The following AGAP1 variants were observed in gnomAD, a reference collection of about 807,000 sequenced individuals.
AGAP1 encodes arf-GAP with GTPase, ANK repeat and PH domain-containing protein 1.
Under a neutral mutation model 105.3 loss-of-function variants are expected in AGAP1, and 29 were observed. That is an observed-to-expected ratio of 0.28 (90% CI 0.21 to 0.38). AGAP1 has a LOEUF of 0.38. AGAP1 is among the 10% of genes least tolerant of loss of function. The pLI, the probability that AGAP1 is intolerant of heterozygous loss-of-function variation, is 1.00. For missense variants in AGAP1, 998 were observed against 1,165.1 expected (o/e 0.86, Z 2.09); for synonymous variants, 509 against 485.9 (o/e 1.05, Z -0.63).
At chr2:235,761,169 A>T (rs1954405602) in intron 6 of AGAP1, among the ~76,000 whole-genome samples, 1 of 152,190 alleles carries the variant, frequency 6.6e-6, no homozygotes, top group Non-Finnish European at 1.5e-5. Context: ...ACAACCAGAG[A>T]CAATAAATAA....
In AGAP1 at chr2:235,855,753, G is replaced by A. The variant is rs544623764; in HGVS notation, c.1051-27592G>A. Among the ~76,000 whole-genome samples, 45 of 152,268 alleles carry A rather than the reference G, an allele frequency of 3.0e-4. No homozygotes were observed. Among genetic ancestry groups the A allele is most frequent in the South Asian group, 1.5e-3 (7 of 4,822 alleles). ...TTGGAGACTGGGTGTTGGTAAATGGGTGACAGTGACAAGTGGGTGATTGGG... is the reference window on the plus strand; with the variant it reads ...TTGGAGACTGGGTGTTGGTAAATGGATGACAGTGACAAGTGGGTGATTGGG... On this transcript the variant is annotated intron_variant, in intron 9 of 17. Transcript: ENST00000304032. The surrounding 1 kb of genome is among the most constrained non-coding windows in gnomAD (Gnocchi z 5.0).
At position 235,977,089 on chromosome 2, in the gene AGAP1, G is replaced by A. The variant is rs2054893049; in HGVS notation, c.1645+8466G>A. On this transcript the variant is annotated intron_variant, in intron 13 of 17. Transcript: ENST00000304032. This position sits in a 1 kb window ranked among gnomAD's most constrained non-coding sequence, Gnocchi z 5.2. ...TAGCTAGACTTAGAGATTCTCTTCT[G>A]CGAGTGGGGCTCGGTTAGCACAAGC... Among the ~76,000 whole-genome samples the A allele has an allele frequency of 6.6e-6, 1 of 152,138 alleles. No homozygotes were observed. The highest frequency in any genetic ancestry group is 2.4e-5 in the African/African-American group (1 of 41,424).
chr2:235,494,985 C>G lies in AGAP1; in HGVS notation c.163+136C>G, dbSNP rs577384486. ...CTGCTCCGCCGAGGGAGCACTGCGGCGCTGCTTGTCTTGCAAGGCCGGGCG... is the reference window on the plus strand; with the variant it reads ...CTGCTCCGCCGAGGGAGCACTGCGGGGCTGCTTGTCTTGCAAGGCCGGGCG... On this transcript the variant is annotated intron_variant, in intron 1 of 17. Transcript: ENST00000304032. 4.9e-6 allele frequency: 4 copies of G among 808,356 alleles called. No individual in the cohort carries two copies. The Admixed American group carries it at 1.8e-4, about 36-fold the overall frequency. The allele number at this position is 808,356 out of a possible 1,614,324, so 50.1% of individuals were successfully genotyped here.
Position 235,927,067 on chromosome 2 carries a change from C to G in AGAP1, c.1325-3698C>G, listed in dbSNP as rs1361800515. On this transcript the variant is annotated intron_variant, in intron 11 of 17. Coordinates refer to ENST00000304032, the MANE Select transcript of AGAP1 (RefSeq NM_001037131.3). The surrounding 1 kb of genome is among the most constrained non-coding windows in gnomAD (Gnocchi z 4.4). ...TCTGTGGATCTGATTGAAAGTTTCA[C>G]CTTTATCACGGTTTGTCCATGTATA... is the stretch of plus-strand genomic sequence containing the variant. 2.0e-5 allele frequency among the ~76,000 whole-genome samples: 3 copies of G among 152,206 alleles called. No individual in the cohort carries two copies. Among genetic ancestry groups the G allele is most frequent in the Non-Finnish European group, 4.4e-5 (3 of 68,042 alleles).
At chr2:235,544,965 A>G (rs1943574396) in intron 1 of AGAP1, among the ~76,000 whole-genome samples, 1 of 152,208 alleles carries the variant, frequency 6.6e-6, no homozygotes, top group Non-Finnish European at 1.5e-5. Flanking sequence ...GCAGTATTCT[A>G]ACGGGGTAAG....
Position 236,105,256 on chromosome 2 carries a change from C to T in AGAP1, c.2115-14936C>T, listed in dbSNP as rs1047588309. 1.3e-5 allele frequency among the ~76,000 whole-genome samples: 2 copies of T among 152,146 alleles called. No individual in the cohort carries two copies. Among genetic ancestry groups the T allele is most frequent in the African/African-American group, 4.8e-5 (2 of 41,434 alleles). On this transcript the variant is annotated intron_variant, in intron 16 of 17. Transcript: ENST00000304032. This position sits in a 1 kb window ranked among gnomAD's most constrained non-coding sequence, Gnocchi z 4.2. ...TCCAAAACATCCCACTTTAAGAACC[C>T]TGCATGCACACAGTCTTGCGTCAAC...
Position 235,883,977 on chromosome 2 carries a change from C to T in AGAP1, c.1155+528C>T, listed in dbSNP as rs1054007629. On this transcript the variant is annotated intron_variant, in intron 10 of 17. Coordinates refer to ENST00000304032, the MANE Select transcript of AGAP1 (RefSeq NM_001037131.3). The surrounding 1 kb of genome is among the most constrained non-coding windows in gnomAD (Gnocchi z 4.5). ...ATGTTACATATAAGTTTGTTATATC[C>T]GTGGTGTATAAGATAGATGTATAAA... is the stretch of plus-strand genomic sequence containing the variant. 2.0e-4 allele frequency among the ~76,000 whole-genome samples: 30 copies of T among 152,076 alleles called. No homozygotes were observed. The highest frequency in any genetic ancestry group is 4.6e-4 in the Admixed American group (7 of 15,258).
Position 235,919,371 on chromosome 2 carries a change from C to T in AGAP1, c.1324+10465C>T, listed in dbSNP as rs2052057644. ...CTTGTGGCCCATTGTTTTGAGTTAC[C>T]ACTCATATAGTGAACGTTTGCGTTT... On this transcript the variant is annotated intron_variant, in intron 11 of 17. Coordinates refer to ENST00000304032, the MANE Select transcript of AGAP1 (RefSeq NM_001037131.3). This position sits in a 1 kb window ranked among gnomAD's most constrained non-coding sequence, Gnocchi z 4.1. Among the ~76,000 whole-genome samples, 4 of 152,224 alleles carry T rather than the reference C, an allele frequency of 2.6e-5. 1 individual carries two copies. The South Asian group carries it at 8.3e-4, about 32-fold the overall frequency.
rs1559420233 is a variant in AGAP1, at chr2:235,741,130, G to T, written c.396+82G>T. The T allele has an allele frequency of 2.4e-6, 3 of 1,229,460 alleles. No homozygotes were observed. Among genetic ancestry groups the T allele is most frequent in the Non-Finnish European group, 2.2e-6 (2 of 915,446 alleles). The allele number at this position is 1,229,460 out of a possible 1,614,324, so 76.2% of individuals were successfully genotyped here. ...GATTCAAGAAGTGCTTCTAGAAATC[G>T]GTGACTTGGTTTCCAAAAAAGTGGA... On this transcript the variant is annotated intron_variant, in intron 4 of 17. Coordinates refer to ENST00000304032, the MANE Select transcript of AGAP1 (RefSeq NM_001037131.3). This position sits in a 1 kb window ranked among gnomAD's most constrained non-coding sequence, Gnocchi z 4.9.
In AGAP1 at chr2:236,111,166, G is replaced by C. The variant is rs2059628247; in HGVS notation, c.2115-9026G>C. ...ACAAACACACAGCAGTGATAAAAGA[G>C]CAGACTTTGTTGATAAATCCGTGCA... On this transcript the variant is annotated intron_variant, in intron 16 of 17. Transcript: ENST00000304032. Among the ~76,000 whole-genome samples the C allele has an allele frequency of 2.0e-5, 3 of 152,184 alleles. No homozygotes were observed. The South Asian group carries it at 6.2e-4, about 31-fold the overall frequency.
chr2:235,883,441 A>G lies in AGAP1; in HGVS notation c.1147A>G (p.Ser383Gly). ...CDNGVLTYHPSLHDYMQNVHG... is the reference protein window; with the variant it reads ...CDNGVLTYHPGLHDYMQNVHG... ...CAATGGCGTGCTGACCTATCATCCC[A>G]GTTTACATGTGAGTATAGCCCCCTC... Residue 383 changes from serine to glycine, a missense_variant, in exon 10 of 18, where the codon AGT becomes GGT. By Grantham distance (56) the Ser-to-Gly change is moderately conservative (BLOSUM62 0). Around this residue, in one of 3 missense-constraint regions of AGAP1, gnomAD observed 735 missense variants for 833.4 expected, o/e 0.88. Transcript: ENST00000304032. This position sits in a 1 kb window ranked among gnomAD's most constrained non-coding sequence, Gnocchi z 4.5. 1 of 1,613,852 alleles carries G rather than the reference A, an allele frequency of 6.2e-7. No homozygotes were observed. Among genetic ancestry groups the G allele is most frequent in the Non-Finnish European group, 8.5e-7 (1 of 1,179,808 alleles).
intron 13 of AGAP1, among the ~76,000 whole-genome samples, chr2:235,985,038 G>A (rs961645812): frequency 2.0e-5 from 3 of 152,054 alleles, no homozygotes; most frequent in Admixed American, 1.3e-4. Context: ...ACTGTCTTCC[G>A]CAATGGTTGA....
intron 9 of AGAP1, among the ~76,000 whole-genome samples, chr2:235,816,228 G>C (rs575516264): frequency 6.6e-6 from 1 of 151,320 alleles, no homozygotes; most frequent in East Asian, 2.0e-4. Flanking sequence ...GCGAGGTCAG[G>C]AGATCGAGAC....
intron 9 of AGAP1, among the ~76,000 whole-genome samples, chr2:235,817,014 A>G (rs1005062163): frequency 1.3e-5 from 2 of 152,184 alleles, no homozygotes; most frequent in Admixed American, 6.5e-5. Flanking sequence ...TCGTGTAGGA[A>G]CTTGGACTGT....
intron 2 of AGAP1, 107 bp downstream of exon 2, chr2:235,709,344 A>G: frequency 1.5e-6 from 2 of 1,298,968 alleles, no homozygotes; most frequent in South Asian, 1.2e-5. Flanking sequence ...CCAGAGTGGA[A>G]GTGTGACTCT....
chr2:235,675,381 C>T (rs772474293), intron 1 of AGAP1, among the ~76,000 whole-genome samples: 3 of 151,850 alleles, frequency 2.0e-5, no homozygotes, highest in Admixed American at 1.3e-4. Flanking sequence ...TTAGTAGAGA[C>T]GGGGTTTCAC....
chr2:235,750,605 G>T lies in AGAP1; in HGVS notation c.673+117G>T. ...TGGTGGAAATATGTCGTTGATGGGT[G>T]GGCATTAGTATCGAGAGCAGTCCAT... On this transcript the variant is annotated intron_variant, in intron 6 of 17. Coordinates refer to ENST00000304032, the MANE Select transcript of AGAP1 (RefSeq NM_001037131.3). This position sits in a 1 kb window ranked among gnomAD's most constrained non-coding sequence, Gnocchi z 5.3. 6.8e-7 allele frequency: 1 copy of T among 1,464,398 alleles called. No individual in the cohort carries two copies. Among genetic ancestry groups the T allele is most frequent in the Non-Finnish European group, 9.5e-7 (1 of 1,057,722 alleles). 90.7% of individuals were successfully genotyped at this position (1,464,398 alleles called of 1,614,324 possible).
At chr2:235,627,308 T>G (rs1946673450) in intron 1 of AGAP1, among the ~76,000 whole-genome samples, 1 of 146,052 alleles carries the variant, frequency 6.8e-6, no homozygotes, top group East Asian at 2.2e-4. Context: ...TTCTGCAACC[T>G]CTACCTCCCG....
chr2:236,068,399 A>G (rs1179319993), intron 16 of AGAP1, among the ~76,000 whole-genome samples: 1 of 152,164 alleles, frequency 6.6e-6, no homozygotes, highest in Non-Finnish European at 1.5e-5. Context: ...CTCCTCTGGC[A>G]CTGCTGGTAA....
Sources: allele counts gnomAD v4.1 joint callset (sites outside exome capture counted in the v4.1 genomes callset), GRCh38; gene constraint gnomAD v4.1.1; regional missense constraint gnomAD v4.1.1; non-coding constraint Gnocchi (gnomAD v3.1); transcripts MANE v1.5; gene names NCBI Gene and HGNC (gene_info 2026-07-23, HGNC 2026-07-21).